PDXDC1: variants seen among roughly 807,000 people sequenced by gnomAD.
PDXDC1 encodes pyridoxal dependent decarboxylase domain containing 1, also known as pyridoxal-dependent decarboxylase domain-containing protein 1.
A neutral mutation model predicts 100.1 loss-of-function variants in PDXDC1; 42 were observed. The observed-to-expected ratio is 0.42, with a 90% CI of 0.33 to 0.54. The LOEUF is 0.54. Ranked by LOEUF, PDXDC1 falls within the 20% of genes least tolerant of loss-of-function variation. The pLI is 0.10. For missense variants in PDXDC1, 636 were observed against 979.2 expected, an observed-to-expected ratio of 0.65 and a Z score of 4.68; for synonymous variants, 260 against 371.7, an observed-to-expected ratio of 0.70 and a Z score of 3.46.
intron 1 of PDXDC1, among the ~76,000 whole-genome samples, chr16:14,978,531 A>C (rs1438128268): frequency 6.6e-6 from 1 of 152,282 alleles, no homozygotes; most frequent in South Asian, 2.1e-4. Flanking sequence ...CTGGGACTAC[A>C]GGCACTCACC....
At chr16:15,050,806 G>C (rs2044265144) in intron 16 of PDXDC1, among the ~76,000 whole-genome samples, 1 of 152,144 alleles carries the variant, frequency 6.6e-6, no homozygotes, top group African/African-American at 2.4e-5. Context: ...TACTTACATG[G>C]TGTTTTCTTC....
intron 1 of PDXDC1, among the ~76,000 whole-genome samples, chr16:14,980,650 T>A (rs11865918): frequency 0.084 from 12,576 of 148,858 alleles, 97 homozygotes; most frequent in Admixed American, 0.11. Flanking sequence ...ATTTTTTGTA[T>A]TTTTAGTAGA....
At chr16:15,093,394 C>A (rs1471410438) in intron 16 of PDXDC1, among the ~76,000 whole-genome samples, 1 of 152,284 alleles carries the variant, frequency 6.6e-6, no homozygotes, top group Admixed American at 6.5e-5. Flanking sequence ...CTTCTCCCTC[C>A]CCCATTACCT....
At chr16:15,132,358 G>C (rs1431842855) in intron 16 of PDXDC1, among the ~76,000 whole-genome samples, 4 of 20,828 alleles carry the variant, frequency 1.9e-4, no homozygotes, top group Non-Finnish European at 2.7e-4. Context: ...GGGGAGGGGG[G>C]AGGGGCAAGG....
At chr16:14,983,898 C>G (rs1424551766) in intron 1 of PDXDC1, among the ~76,000 whole-genome samples, 19 of 152,242 alleles carry the variant, frequency 1.2e-4, no homozygotes, top group African/African-American at 4.1e-4. Flanking sequence ...TGCAGTGGCT[C>G]ACACCTGTAA....
intron 16 of PDXDC1, chr16:15,065,234 G>A: frequency 1.9e-6 from 3 of 1,613,400 alleles, no homozygotes; most frequent in African/African-American, 2.7e-5. Flanking sequence ...CAGCACACAG[G>A]GATCAAAGGG....
chr16:15,109,697 A>G (rs1214360748), intron 16 of PDXDC1, among the ~76,000 whole-genome samples: 2 of 124,712 alleles, frequency 1.6e-5, no homozygotes, highest in African/African-American at 2.9e-5. Flanking sequence ...AAAAAAAAAA[A>G]AAAAATTGGC....
At chr16:15,144,866 G>A in the PDXDC1 span, among the ~76,000 whole-genome samples, 1 of 152,204 alleles carries the variant, frequency 6.6e-6, no homozygotes, top group Admixed American at 6.5e-5. Flanking sequence ...GTAGGAAGGA[G>A]AGCGCTTCAT....
intron 16 of PDXDC1, chr16:15,086,117 G>A: frequency 6.2e-7 from 1 of 1,606,408 alleles, no homozygotes; most frequent in Non-Finnish European, 8.5e-7. Flanking sequence ...AAAATTCCAA[G>A]CAATGACTTA....
intron 16 of PDXDC1, among the ~76,000 whole-genome samples, chr16:15,132,346 TAGGGGAG>T (rs1173974696): frequency 2.4e-4 from 3 of 12,682 alleles, no homozygotes; most frequent in Non-Finnish European, 5.6e-4. Context: ...GGGCAGGGGC[TAGGGGAG>T]GGGGGAGGGG....
intron 12 of PDXDC1, 106 bp from the exon 13 acceptor site, chr16:15,022,598 C>G (rs2042288578): frequency 9.9e-7 from 1 of 1,008,240 alleles, no homozygotes; most frequent in Non-Finnish European, 1.4e-6. Context: ...TGGCAGGTGA[C>G]TTTGCCTGAC....
chr16:15,086,414 G>C, intron 16 of PDXDC1: 1 of 1,613,610 alleles, frequency 6.2e-7, no homozygotes. Flanking sequence ...GTACATGATA[G>C]AAGAACGGAA....
chr16:15,037,411 ATATTAAGCC>A lies in PDXDC1; in HGVS notation c.*1140_*1148del, dbSNP rs1353133273. 6.6e-6 allele frequency: 1 copy of A among 152,228 alleles called. No homozygotes were observed. The highest frequency in any genetic ancestry group is 1.5e-5 in the Non-Finnish European group (1 of 68,094). 9.4% of individuals were successfully genotyped at this position (152,228 alleles called of 1,614,324 possible). The stretch of plus-strand genomic sequence containing the variant: ...TAGTATTGGAAGCCTTAGTTATAGT[ATATTAAGCC>A]TATAATTATACTCTGATTTGATGGG... On this transcript the variant is annotated 3_prime_UTR_variant, in exon 23 of 23. Transcript: ENST00000396410.
intron 13 of PDXDC1, among the ~76,000 whole-genome samples, chr16:15,024,065 T>G (rs1329299523): frequency 2.0e-5 from 3 of 152,274 alleles, no homozygotes; most frequent in Non-Finnish European, 2.9e-5. Context: ...GCTCCCTTAT[T>G]CTCAAATTGG....
rs952294483 is a variant in PDXDC1, at chr16:15,034,384, G to A, written c.1905+6G>A. ...AAGAACGGCTTCTGGAAGAGGTGAG[G>A]CCCCCGATGGGCAGCAGGCTGGGGG... is the stretch of plus-strand genomic sequence containing the variant. On this transcript the variant is annotated splice_donor_region_variant and intron_variant, in intron 20 of 22. Coordinates refer to ENST00000396410, the MANE Select transcript of PDXDC1 (RefSeq NM_015027.4). 9 of 1,613,460 alleles carry A rather than the reference G, an allele frequency of 5.6e-6. No homozygotes were observed. Among genetic ancestry groups the A allele is most frequent in the South Asian group, 1.1e-5 (1 of 91,058 alleles).
chr16:15,074,809 TCGAGCCGTTCAGGAC>T (rs749991158), intron 16 of PDXDC1: 1 of 1,614,036 alleles, frequency 6.2e-7, no homozygotes, highest in Admixed American at 1.7e-5. Flanking sequence ...CACCATCTGG[TCGAGCCGTTCAGGAC>T]CAGCCTTTGT....
intron 16 of PDXDC1, chr16:15,131,116 T>G: frequency 6.2e-7 from 1 of 1,606,994 alleles, no homozygotes; most frequent in Non-Finnish European, 8.5e-7. Flanking sequence ...GAGCTGCAGA[T>G]GCAGCACGGC....
At chr16:15,030,322 A>G (rs2042962653) in intron 16 of PDXDC1, among the ~76,000 whole-genome samples, 1 of 152,234 alleles carries the variant, frequency 6.6e-6, no homozygotes, top group African/African-American at 2.4e-5. Context: ...AGGCAGGCAG[A>G]TCATCTGAGG....
At chr16:15,014,108 G>T (rs868052211) in intron 8 of PDXDC1, among the ~76,000 whole-genome samples, 14 of 152,148 alleles carry the variant, frequency 9.2e-5, no homozygotes, top group Admixed American at 9.2e-4. Context: ...TTAGGAGGCC[G>T]AGGCAGGAGA....
Sources: allele counts gnomAD v4.1 joint callset (sites outside exome capture counted in the v4.1 genomes callset), GRCh38; gene constraint gnomAD v4.1.1; transcripts MANE v1.5; gene names NCBI Gene and HGNC (gene_info 2026-07-23, HGNC 2026-07-21).